Variants in DHX35 observed in about 807,000 individuals in gnomAD.
DHX35 encodes the protein probable ATP-dependent RNA helicase DHX35.
Under a neutral mutation model 99.6 loss-of-function variants are expected in DHX35, and 84 were observed. The observed-to-expected ratio is 0.84, with a 90% CI of 0.71 to 1.01. DHX35 has a LOEUF of 1.01. DHX35 is among the 50% of genes least tolerant of loss of function. DHX35 has a pLI of 0.00. For synonymous variants in DHX35, 331 were observed against 316.2 expected (o/e 1.05, Z -0.50); for missense variants, 852 against 888.5 (o/e 0.96, Z 0.52).
intron 3 of DHX35, chr20:38,977,682 T>C (rs771690502): frequency 3.0e-5 from 11 of 370,366 alleles, no homozygotes; most frequent in Admixed American, 4.3e-5. Flanking sequence ...CACTCTGCAT[T>C]ATAAAAAGAA....
intron 21 of DHX35, among the ~76,000 whole-genome samples, chr20:39,034,774 C>CTTTTTTTTTTTT (rs59858652): frequency 7.4e-6 from 1 of 135,114 alleles, no homozygotes; most frequent in Non-Finnish European, 1.6e-5. Flanking sequence ...TTTCTTTTTT[C>CTTTTTTTTTTTT]TTTTTTTTTT....
intron 3 of DHX35, among the ~76,000 whole-genome samples, chr20:38,980,977 G>T (rs1279480775): frequency 1.3e-5 from 2 of 152,138 alleles, no homozygotes; most frequent in Non-Finnish European, 2.9e-5. Context: ...ATGTTCCTCA[G>T]TTTGGGTTTA....
At chr20:38,976,654 C>T (rs1204949984) in intron 3 of DHX35, among the ~76,000 whole-genome samples, 1 of 152,128 alleles carries the variant, frequency 6.6e-6, no homozygotes, top group East Asian at 1.9e-4. Context: ...TTATTGTTAA[C>T]TATAGTCACT....
At chr20:39,002,945 C>A in intron 10 of DHX35, 77 bp downstream of exon 10, 3 of 1,223,760 alleles carry the variant, frequency 2.5e-6, no homozygotes, top group Non-Finnish European at 3.6e-6. Flanking sequence ...TGTTACTTTA[C>A]TCAGTCATGT....
At chr20:38,997,786 A>T (rs1400759113) in intron 8 of DHX35, among the ~76,000 whole-genome samples, 1 of 152,160 alleles carries the variant, frequency 6.6e-6, no homozygotes, top group Non-Finnish European at 1.5e-5. Flanking sequence ...GAAAGAGGAT[A>T]TAAGTGGGCG....
At chr20:38,962,613 C>T (rs1601348207) in intron 1 of DHX35, 1 of 606,480 alleles carries the variant, frequency 1.6e-6, no homozygotes, top group East Asian at 2.9e-5. Context: ...TGAGCAGAAA[C>T]TCTTTGTGAC....
At chr20:38,977,726 TG>T in intron 3 of DHX35, 1 of 392,718 alleles carries the variant, frequency 2.5e-6, no homozygotes, top group East Asian at 5.5e-5. Flanking sequence ...CTTGCATTTT[TG>T]CTTTAGTGTT....
chr20:39,004,562 ATTTGT>A (rs921890560), intron 11 of DHX35, among the ~76,000 whole-genome samples: 40 of 152,328 alleles, frequency 2.6e-4, no homozygotes, highest in African/African-American at 8.7e-4. Context: ...TTTCTAAATA[ATTTGT>A]TTTAAGTATC....
chr20:39,030,639 C>T, intron 19 of DHX35, 65 bp from the exon 20 acceptor site: 1 of 1,441,496 alleles, frequency 6.9e-7, no homozygotes, highest in East Asian at 2.3e-5. Context: ...TTAAAAATAT[C>T]TGTGGGAAAG....
intron 19 of DHX35, 76 bp downstream of exon 19, chr20:39,028,575 C>T: frequency 6.8e-7 from 1 of 1,462,930 alleles, no homozygotes; most frequent in Non-Finnish European, 9.6e-7. Context: ...GAAAGCTGTG[C>T]AGAGATAGTA....
At chr20:39,014,512 T>C (rs1651713352) in intron 13 of DHX35, among the ~76,000 whole-genome samples, 1 of 152,208 alleles carries the variant, frequency 6.6e-6, no homozygotes, top group Non-Finnish European at 1.5e-5. Context: ...TGCTGCAGTG[T>C]CCTGGGGCCC....
chr20:39,025,609 A>C (rs576244634), intron 18 of DHX35, among the ~76,000 whole-genome samples: 1 of 152,372 alleles, frequency 6.6e-6, no homozygotes, highest in Non-Finnish European at 1.5e-5. Flanking sequence ...ACAATACTTA[A>C]GAATCACTAA....
At position 38,962,377 on chromosome 20, in the gene DHX35, C is replaced by G. The variant is rs151212426; in HGVS notation, c.10C>G (p.Pro4Ala). Reference sequence around the variant, plus strand: ...GACCTTTTACCCCAACATGGCTGCGCCCGTGGGACCGGTGAAGTTCTGGCG... The same window carrying G: ...GACCTTTTACCCCAACATGGCTGCGGCCGTGGGACCGGTGAAGTTCTGGCG... MAA[P>A]VGPVKFWRPG... The change falls in exon 1 of 22, where the codon CCC (proline) becomes GCC (alanine). Residue 4 changes from proline to alanine, a missense_variant. Physicochemically the swap from Pro to Ala is conservative, Grantham distance 27. Coordinates refer to ENST00000252011, the MANE Select transcript of DHX35 (RefSeq NM_021931.4). The G allele has an allele frequency of 1.2e-6, 2 of 1,612,808 alleles. No individual in the cohort carries two copies. Among genetic ancestry groups the G allele is most frequent in the Non-Finnish European group, 1.7e-6 (2 of 1,179,322 alleles).
intron 21 of DHX35, among the ~76,000 whole-genome samples, chr20:39,036,725 CCAAAAAAAA>C (rs2087157883): frequency 8.5e-6 from 1 of 117,170 alleles, no homozygotes; most frequent in Non-Finnish European, 1.7e-5. Context: ...GACTGTCCCC[CCAAAAAAAA>C]AAAAAAAAAA....
intron 7 of DHX35, 114 bp downstream of exon 7, chr20:38,992,539 C>A: frequency 2.1e-6 from 2 of 957,570 alleles, no homozygotes; most frequent in South Asian, 1.4e-5. Flanking sequence ...AAATTAAAAT[C>A]ATCCATAATC....
rs2145959798 is a variant in DHX35 at position 39,039,287 on chromosome 20, T to C, written c.*744T>C. On this transcript the variant is annotated 3_prime_UTR_variant, in exon 22 of 22. Transcript: ENST00000252011. ...CTAGCTGAGCACTCAGGAGAGTTCA[T>C]CAGCTCAGATCCCACAGGGCCTCCT... 6.5e-6 allele frequency: 1 copy of C among 152,802 alleles called. No homozygotes were observed. The highest frequency in any genetic ancestry group is 1.9e-4 in the East Asian group (1 of 5,192). 9.5% of individuals were successfully genotyped at this position (152,802 alleles called of 1,614,324 possible). A position where few individuals can be genotyped will look rare whatever the true frequency, so the allele number is the denominator to read the frequency against.
At chr20:39,021,735 T>C (rs1336003073) in intron 15 of DHX35, 106 bp from the exon 16 acceptor site, 6 of 1,121,062 alleles carry the variant, frequency 5.4e-6, no homozygotes, top group African/African-American at 1.5e-5. Flanking sequence ...CTAGAAAAAA[T>C]ATGATCTTAG....
At chr20:39,003,421 C>T (rs975671005) in intron 10 of DHX35, among the ~76,000 whole-genome samples, 2 of 152,200 alleles carry the variant, frequency 1.3e-5, no homozygotes, top group Admixed American at 6.5e-5. Flanking sequence ...TGCAACTTGT[C>T]TATATGCATG....
chr20:38,981,104 C>T (rs1051213907), intron 3 of DHX35, among the ~76,000 whole-genome samples: 3 of 152,198 alleles, frequency 2.0e-5, no homozygotes, highest in Non-Finnish European at 2.9e-5. Flanking sequence ...TATGTCTTGT[C>T]ACTGGTAATA....
Sources: gnomAD v4.1 joint callset for allele counts (sites outside exome capture counted in the v4.1 genomes callset) on GRCh38, gnomAD v4.1.1 for gene constraint, MANE v1.5 for transcripts, NCBI Gene and HGNC (gene_info 2026-07-23, HGNC 2026-07-21) for gene names.